Variants in ZNF541 observed in about 807,000 individuals in gnomAD.
ZNF541 encodes zinc finger protein 541.
ZNF541 carries 23 observed loss-of-function variants against 123.5 expected under a neutral mutation model. The observed-to-expected ratio is 0.19, with a 90% CI of 0.13 to 0.26. The LOEUF (loss-of-function observed/expected upper bound fraction) is 0.26. Ranked by LOEUF, ZNF541 falls within the 10% of genes least tolerant of loss-of-function variation. The pLI is 1.00. For missense variants in ZNF541, 1,612 were observed against 1,789.9 expected (o/e 0.90, Z 1.79); for synonymous variants, 751 against 754.5 (o/e 1.00, Z 0.08).
chr19:47,528,873 C>T, intron 14 of ZNF541, 77 bp downstream of exon 14: 1 of 1,272,646 alleles, frequency 7.9e-7, no homozygotes, highest in South Asian at 1.3e-5. Context: ...CCCTCCGACC[C>T]CCGACCAGCC....
chr19:47,553,581 G>T (rs1278803252), intron 3 of ZNF541, among the ~76,000 whole-genome samples: 1 of 151,874 alleles, frequency 6.6e-6, no homozygotes, highest in African/African-American at 2.4e-5. Context: ...GATAATTTTT[G>T]TATTTTTAGT....
chr19:47,535,711 G>A (rs116640075), intron 9 of ZNF541, among the ~76,000 whole-genome samples: 2,107 of 151,682 alleles, frequency 0.014, 31 homozygotes, highest in Middle Eastern at 0.051. Context: ...CAGGAGGACT[G>A]TTTCACCCCA....
intron 2 of ZNF541, among the ~76,000 whole-genome samples, chr19:47,562,452 G>A (rs1261907446): frequency 6.6e-6 from 1 of 151,802 alleles, no homozygotes; most frequent in African/African-American, 2.4e-5. Context: ...GCTGAGGCAG[G>A]AGAATCGCTT....
chr19:47,523,969 G>A (rs538598121), intron 14 of ZNF541, among the ~76,000 whole-genome samples: 1 of 152,312 alleles, frequency 6.6e-6, no homozygotes, highest in East Asian at 1.9e-4. Context: ...CCATCCAAAA[G>A]GATGAGAGGG....
chr19:47,529,602 G>C lies in ZNF541; in HGVS notation c.3456C>G (p.His1152Gln). ...LLRGPHKPRT[H>Q]LLADYRYTGS... is the part of the protein sequence containing the mutation. ...CTGTGTAGCGATAGTCAGCGAGCAG[G>C]TGTGTCCGTGGCTTGTGGGGCCCTC... The change falls in exon 13 of 17, where the codon CAC (histidine) becomes CAG (glutamine). Residue 1152 changes from histidine to glutamine, a missense_variant. Physicochemically the swap from His to Gln is conservative, Grantham distance 24. Coordinates refer to ENST00000391901, the MANE Select transcript of ZNF541 (RefSeq NM_001277075.3). The C allele has an allele frequency of 6.4e-7, 1 of 1,551,678 alleles. No homozygotes were observed. Among genetic ancestry groups the C allele is most frequent in the Non-Finnish European group, 8.7e-7 (1 of 1,146,984 alleles).
At chr19:47,566,063 G>A (rs1196434812) in intron 2 of ZNF541, among the ~76,000 whole-genome samples, 1 of 152,098 alleles carries the variant, frequency 6.6e-6, no homozygotes, top group African/African-American at 2.4e-5. Context: ...TGTAACCCCA[G>A]CTACTCAGGA....
Position 47,545,404 on chromosome 19 carries a change from G to C in ZNF541, c.1125C>G (p.Leu375=). The part of the protein sequence containing the change: ...PPEPEPDTAL[L]QARSTAECWP... ...AGCACTCCGCGGTGGACCGGGCCTG[G>C]AGCAGCGCGGTATCTGGCTCCGGCT... The change falls in exon 5 of 17, where the codon CTC becomes CTG. Residue 375 remains leucine (L), a synonymous_variant. Transcript: ENST00000391901. The surrounding 1 kb of genome is among the most constrained non-coding windows in gnomAD (Gnocchi z 7.5). 6.7e-7 allele frequency: 1 copy of C among 1,502,398 alleles called. No homozygotes were observed. The highest frequency in any genetic ancestry group is 8.9e-7 in the Non-Finnish European group (1 of 1,123,496). 93.1% of individuals were successfully genotyped at this position (1,502,398 alleles called of 1,614,324 possible).
chr19:47,566,911 C>T (rs907764833), intron 2 of ZNF541, among the ~76,000 whole-genome samples: 4 of 150,852 alleles, frequency 2.7e-5, no homozygotes, highest in Non-Finnish European at 5.9e-5. Context: ...ATTAGCCAGG[C>T]GTGGTGGCGG....
intron 14 of ZNF541, among the ~76,000 whole-genome samples, chr19:47,524,806 G>C (rs773230275): frequency 1.2e-4 from 19 of 152,014 alleles, no homozygotes; most frequent in Non-Finnish European, 2.5e-4. Flanking sequence ...GAGCCCAGGA[G>C]GTCAAAGGGT....
intron 9 of ZNF541, 145 bp downstream of exon 9, chr19:47,537,997 G>T: frequency 1.1e-6 from 1 of 947,688 alleles, no homozygotes; most frequent in Non-Finnish European, 1.6e-6. Flanking sequence ...CAGTCCTGGG[G>T]CACATCTGAA....
Position 47,521,965 on chromosome 19 carries a change from A to G in ZNF541, c.3600T>C (p.Val1200=). Residue 1200 remains valine (V), a synonymous_variant, in exon 15 of 17, where the codon GTT becomes GTC. Transcript: ENST00000391901. This position sits in a 1 kb window ranked among gnomAD's most constrained non-coding sequence, Gnocchi z 4.2. The part of the protein sequence containing the change: ...MIQTKTVAQC[V]EYYYIWKKMI... ...TTTTTTTCCAGATGTAATAATACTC[A>G]ACGCACTGAGCTACCGTCTTTGTCT... The G allele has an allele frequency of 6.4e-7, 1 of 1,552,108 alleles. No homozygotes were observed. The highest frequency in any genetic ancestry group is 8.7e-7 in the Non-Finnish European group (1 of 1,147,108).
chr19:47,559,376 A>AAAAG (rs1286559499), intron 2 of ZNF541, among the ~76,000 whole-genome samples: 1 of 151,740 alleles, frequency 6.6e-6, no homozygotes, highest in Non-Finnish European at 1.5e-5. Flanking sequence ...TATCTCAAAA[A>AAAAG]AAAGAAAGAA....
chr19:47,523,555 G>C (rs959609951), intron 14 of ZNF541, among the ~76,000 whole-genome samples: 3 of 152,186 alleles, frequency 2.0e-5, no homozygotes, highest in South Asian at 2.1e-4. Context: ...TTCTGCTTCT[G>C]AACAAGATGG....
At chr19:47,552,573 C>G (rs1280528350) in intron 3 of ZNF541, among the ~76,000 whole-genome samples, 1 of 151,766 alleles carries the variant, frequency 6.6e-6, no homozygotes, top group Non-Finnish European at 1.5e-5. Flanking sequence ...GAAACCCCGT[C>G]TCTACTAAAA....
intron 11 of ZNF541, 111 bp downstream of exon 11, chr19:47,532,017 G>A (rs1969596234): frequency 9.3e-6 from 13 of 1,404,634 alleles, no homozygotes; most frequent in South Asian, 2.8e-5. Context: ...CACGCCCAGG[G>A]GACACTACTT....
Position 47,545,295 on chromosome 19 carries a change from T to G in ZNF541, c.1234A>C (p.Ser412Arg). 6.5e-7 allele frequency: 1 copy of G among 1,549,610 alleles called. No individual in the cohort carries two copies. Among genetic ancestry groups the G allele is most frequent in the Non-Finnish European group, 8.7e-7 (1 of 1,146,730 alleles). ...VPASSQPSSH[S>R]FQWLRNLPGC... is the part of the protein sequence containing the mutation. ...GGCAGGTTCCGGAGCCACTGGAAGCTGTGGCTCGATGGCTGGGAACTGGCA... is the reference window on the plus strand; with the variant it reads ...GGCAGGTTCCGGAGCCACTGGAAGCGGTGGCTCGATGGCTGGGAACTGGCA... The change falls in exon 5 of 17, where the codon AGC becomes CGC. Residue 412 changes from serine (S) to arginine (R), a missense_variant. By Grantham distance (110) the Ser-to-Arg change is moderately radical (BLOSUM62 -1). Coordinates refer to ENST00000391901, the MANE Select transcript of ZNF541 (RefSeq NM_001277075.3). This position sits in a 1 kb window ranked among gnomAD's most constrained non-coding sequence, Gnocchi z 7.5.
At chr19:47,543,864 G>A (rs1054144498) in intron 5 of ZNF541, among the ~76,000 whole-genome samples, 1 of 151,876 alleles carries the variant, frequency 6.6e-6, no homozygotes, top group Non-Finnish European at 1.5e-5. Flanking sequence ...GGCTGATCTC[G>A]AACTCCTGAG....
In ZNF541 at chr19:47,521,845, T is replaced by C. The variant is rs1435602852; in HGVS notation, c.3711+9A>G. 1 of 1,551,162 alleles carries C rather than the reference T, an allele frequency of 6.4e-7. No homozygotes were observed. Among genetic ancestry groups the C allele is most frequent in the Non-Finnish European group, 8.7e-7 (1 of 1,146,726 alleles). ...AGAAGAGCTCCCGACACAGCCCTGG[T>C]TCCTCTACCTTTTCCTCTGTCCTTT... is the stretch of plus-strand genomic sequence containing the variant. On this transcript the variant is annotated intron_variant, in intron 15 of 16. Coordinates refer to ENST00000391901, the MANE Select transcript of ZNF541 (RefSeq NM_001277075.3). The surrounding 1 kb of genome is among the most constrained non-coding windows in gnomAD (Gnocchi z 4.2).
chr19:47,555,661 C>T lies in ZNF541; in HGVS notation c.196G>A (p.Glu66Lys), dbSNP rs1183150022. The stretch of plus-strand genomic sequence containing the variant: ...GTGTCTAAGTTGTCCTCCAGCACCT[C>T]GCTGGACATGTCAGGCGTTGGGAGG... The part of the protein sequence containing the change: ...PSLPTPDMSS[E>K]VLEDNLDTLS... The change falls in exon 3 of 17, where the codon GAG becomes AAG. Residue 66 changes from glutamate to lysine, a missense_variant. Glu to Lys is a moderately conservative substitution (Grantham distance 56). Around this residue, in one of 5 missense-constraint regions of ZNF541, gnomAD observed 212 missense variants for 289.6 expected, o/e 0.73. Coordinates refer to ENST00000391901, the MANE Select transcript of ZNF541 (RefSeq NM_001277075.3). 6 of 1,551,714 alleles carry T rather than the reference C, an allele frequency of 3.9e-6. No homozygotes were observed. The highest frequency in any genetic ancestry group is 4.4e-6 in the Non-Finnish European group (5 of 1,147,002).
Sources: gnomAD v4.1 joint callset for allele counts (sites outside exome capture counted in the v4.1 genomes callset) on GRCh38, gnomAD v4.1.1 for gene constraint, gnomAD v4.1.1 regional missense constraint, Gnocchi (gnomAD v3.1) non-coding constraint, MANE v1.5 for transcripts, NCBI Gene and HGNC (gene_info 2026-07-23, HGNC 2026-07-21) for gene names.